CACNB4: variants seen among roughly 807,000 people sequenced by gnomAD.
CACNB4 encodes calcium voltage-gated channel auxiliary subunit beta 4, also known as voltage-dependent L-type calcium channel subunit beta-4.
In CACNB4, 32 loss-of-function variants were observed where a neutral mutation model predicts 71.2. The ratio of observed to expected loss-of-function variants is 0.45; its 90% CI spans 0.34 to 0.60. The LOEUF (loss-of-function observed/expected upper bound fraction) is 0.60. CACNB4 is among the 20% of genes least tolerant of loss of function. CACNB4 has a pLI of 0.01. For synonymous variants in CACNB4, 231 were observed against 236.9 expected (o/e 0.97, Z 0.23); for missense variants, 464 against 647.9 (o/e 0.72, Z 3.08).
At chr2:151,915,397 C>T (rs1325320531) in intron 2 of CACNB4, among the ~76,000 whole-genome samples, 3 of 152,184 alleles carry the variant, frequency 2.0e-5, no homozygotes, top group East Asian at 1.9e-4. Flanking sequence ...GGGAGCTCAG[C>T]GTGTTAGGCA....
chr2:152,051,329 T>C (rs1040416657), intron 2 of CACNB4, among the ~76,000 whole-genome samples: 4 of 152,180 alleles, frequency 2.6e-5, no homozygotes, highest in Non-Finnish European at 1.5e-5. Context: ...ATCAACAGTT[T>C]AGTATATTCA....
intron 2 of CACNB4, among the ~76,000 whole-genome samples, chr2:152,076,136 CTTTTTTT>C (rs35400714): frequency 1.4e-5 from 1 of 71,202 alleles, no homozygotes; most frequent in African/African-American, 5.5e-5. Flanking sequence ...CACCTCTTTT[CTTTTTTT>C]TTTTTTTTTT....
chr2:152,094,325 G>A (rs1485982630), intron 2 of CACNB4, among the ~76,000 whole-genome samples: 1 of 152,224 alleles, frequency 6.6e-6, no homozygotes, highest in African/African-American at 2.4e-5. Context: ...AGTGGCAAGA[G>A]GGAAGACAGT....
At chr2:152,069,521 T>C (rs75242004) in intron 2 of CACNB4, among the ~76,000 whole-genome samples, 1 of 150,112 alleles carries the variant, frequency 6.7e-6, no homozygotes, top group African/African-American at 2.5e-5. Context: ...TTTTTTTTTT[T>C]CAGTAGAATC....
At chr2:152,057,145 G>T (rs902696027) in intron 2 of CACNB4, among the ~76,000 whole-genome samples, 1 of 152,180 alleles carries the variant, frequency 6.6e-6, no homozygotes, top group Non-Finnish European at 1.5e-5. Context: ...TGTATTAATA[G>T]TAAGGAACTT....
intron 2 of CACNB4, among the ~76,000 whole-genome samples, chr2:151,974,815 CAAA>C (rs35540920): frequency 1.4e-5 from 2 of 138,016 alleles, no homozygotes; most frequent in Non-Finnish European, 1.5e-5. Flanking sequence ...TCTGGTCAAC[CAAA>C]AAAAAAAAAA....
intron 2 of CACNB4, among the ~76,000 whole-genome samples, chr2:151,989,991 C>T (rs1265855819): frequency 6.6e-6 from 1 of 152,122 alleles, no homozygotes; most frequent in Non-Finnish European, 1.5e-5. Context: ...TGAGGCTCTC[C>T]CAATTTGTTC....
At chr2:152,092,601 A>G (rs1057210794) in intron 2 of CACNB4, among the ~76,000 whole-genome samples, 3 of 151,896 alleles carry the variant, frequency 2.0e-5, no homozygotes, top group South Asian at 2.1e-4. Flanking sequence ...ATTATTATAC[A>G]TTATTCTGTA....
chr2:151,950,345 T>C (rs2099866625), intron 2 of CACNB4, among the ~76,000 whole-genome samples: 1 of 152,358 alleles, frequency 6.6e-6, no homozygotes, highest in East Asian at 1.9e-4. Context: ...ACTTCATTGA[T>C]GTCTGCTCTA....
chr2:152,098,776 G>T lies in CACNB4; in HGVS notation c.63+173C>A. On this transcript the variant is annotated intron_variant, in intron 1 of 13. Transcript: ENST00000539935. This position sits in a 1 kb window ranked among gnomAD's most constrained non-coding sequence, Gnocchi z 5.3. ...GGAGGAGGAAGAGAAGGAGGAGAAA[G>T]AGGAGGAGCGGGAGGAGAAAGGGAC... is the stretch of plus-strand genomic sequence containing the variant. 7.8e-7 allele frequency: 1 copy of T among 1,285,048 alleles called. No homozygotes were observed. Among genetic ancestry groups the T allele is most frequent in the Non-Finnish European group, 1.1e-6 (1 of 927,626 alleles). The allele number at this position is 1,285,048 out of a possible 1,614,324, so 79.6% of individuals were successfully genotyped here.
At chr2:152,038,089 T>C (rs1684689528) in intron 2 of CACNB4, among the ~76,000 whole-genome samples, 1 of 152,262 alleles carries the variant, frequency 6.6e-6, no homozygotes, top group African/African-American at 2.4e-5. Context: ...AGGAACCTAC[T>C]GGGATCTACC....
At chr2:151,926,397 T>C (rs572557030) in intron 2 of CACNB4, among the ~76,000 whole-genome samples, 6 of 152,214 alleles carry the variant, frequency 3.9e-5, no homozygotes, top group South Asian at 2.1e-4. Flanking sequence ...ACAGTTTCAC[T>C]AGATTATGGG....
chr2:152,001,730 A>G (rs1008547554), intron 2 of CACNB4, among the ~76,000 whole-genome samples: 2 of 151,676 alleles, frequency 1.3e-5, no homozygotes, highest in Admixed American at 1.3e-4. Context: ...AAAAAAAAAA[A>G]AAAGAGAATG....
At chr2:152,044,297 T>G (rs1213012066) in intron 2 of CACNB4, among the ~76,000 whole-genome samples, 1 of 152,204 alleles carries the variant, frequency 6.6e-6, no homozygotes, top group Non-Finnish European at 1.5e-5. Flanking sequence ...CTTGGCTCAC[T>G]GCAAGCTCCG....
At chr2:152,039,885 C>G (rs1410028483) in intron 2 of CACNB4, among the ~76,000 whole-genome samples, 1 of 139,094 alleles carries the variant, frequency 7.2e-6, no homozygotes, top group Non-Finnish European at 1.5e-5. Flanking sequence ...ATAGAGAATG[C>G]AGAAAAAAAG....
Position 151,920,406 on chromosome 2 carries a change from T to C in CACNB4, c.148-37036A>G, listed in dbSNP as rs1559996769. Among the ~76,000 whole-genome samples the C allele has an allele frequency of 3.5e-5, 5 of 144,066 alleles. No homozygotes were observed. The Admixed American group carries it at 3.6e-4, about 10-fold the overall frequency. The allele number at this position is 144,066 out of a possible 152,430, so 94.5% of individuals were successfully genotyped here. ...GGCACAATGTTGGCTCACTGCAGCC[T>C]CGACCTCTTGGGCTCAAGTGATCCT... On this transcript the variant is annotated intron_variant, in intron 2 of 13. Transcript: ENST00000539935.
At chr2:152,080,537 T>C (rs911931460) in intron 2 of CACNB4, among the ~76,000 whole-genome samples, 2 of 152,230 alleles carry the variant, frequency 1.3e-5, no homozygotes, top group African/African-American at 2.4e-5. Context: ...CCCTTGGACA[T>C]TGAAAAATCT....
Position 152,098,322 on chromosome 2 carries a change from T to C in CACNB4, c.147+8A>G, listed in dbSNP as rs920002603. 1.2e-6 allele frequency: 2 copies of C among 1,610,236 alleles called. No homozygotes were observed. Among genetic ancestry groups the C allele is most frequent in the East Asian group, 2.2e-5 (1 of 44,848 alleles). ...TCCCCATCCTGGTCTCCCGCCTCCTTCTCATACCTGTCTGAGGATGAAGCT... is the reference window on the plus strand; with the variant it reads ...TCCCCATCCTGGTCTCCCGCCTCCTCCTCATACCTGTCTGAGGATGAAGCT... On this transcript the variant is annotated splice_region_variant and intron_variant, in intron 2 of 13. Transcript: ENST00000539935. This position sits in a 1 kb window ranked among gnomAD's most constrained non-coding sequence, Gnocchi z 5.3.
At position 152,056,622 on chromosome 2, in the gene CACNB4, C is replaced by A. The variant is rs6746235; in HGVS notation, c.147+41708G>T. Reference sequence around the variant, plus strand: ...TTGCTAGGCAATTAATAGACTCTACCTGTGTGTGATGCCCTTGGCATTTTC... The same window carrying A: ...TTGCTAGGCAATTAATAGACTCTACATGTGTGTGATGCCCTTGGCATTTTC... On this transcript the variant is annotated intron_variant, in intron 2 of 13. Transcript: ENST00000539935. 3.4e-3 allele frequency among the ~76,000 whole-genome samples: 511 copies of A among 152,262 alleles called. 7 individuals carry two copies. Among genetic ancestry groups the A allele is most frequent in the African/African-American group, 0.012 (487 of 41,546 alleles).
Sources: gnomAD v4.1 joint callset for allele counts (sites outside exome capture counted in the v4.1 genomes callset) on GRCh38, gnomAD v4.1.1 for gene constraint, Gnocchi (gnomAD v3.1) non-coding constraint, MANE v1.5 for transcripts, NCBI Gene and HGNC (gene_info 2026-07-23, HGNC 2026-07-21) for gene names.